Variants in MACROD2 observed in about 807,000 individuals in gnomAD.
MACROD2 encodes the protein mono-ADP ribosylhydrolase 2.
Under a neutral mutation model 70.4 loss-of-function variants are expected in MACROD2, and 36 were observed. That is an observed-to-expected ratio of 0.51 (90% CI 0.39 to 0.68). MACROD2 has a LOEUF of 0.68. Ranked by LOEUF, MACROD2 falls within the 30% of genes least tolerant of loss-of-function variation. The pLI is 0.00. For missense variants in MACROD2, 496 were observed against 538.4 expected, an observed-to-expected ratio of 0.92 and a Z score of 0.78; for synonymous variants, 172 against 178.8, an observed-to-expected ratio of 0.96 and a Z score of 0.30.
chr20:15,923,051 C>A (rs923911622), intron 10 of MACROD2, among the ~76,000 whole-genome samples: 1 of 152,106 alleles, frequency 6.6e-6, no homozygotes, highest in South Asian at 2.1e-4. Context: ...GGACAATGAA[C>A]AATGCAGTAA....
intron 4 of MACROD2, among the ~76,000 whole-genome samples, chr20:14,597,649 T>A (rs1982231312): frequency 6.6e-6 from 1 of 152,150 alleles, no homozygotes. Context: ...GCCTTAGGGA[T>A]AATCACATTT....
At chr20:15,738,873 A>G (rs1358265271) in intron 8 of MACROD2, among the ~76,000 whole-genome samples, 1 of 152,174 alleles carries the variant, frequency 6.6e-6, no homozygotes, top group Admixed American at 6.5e-5. Context: ...CCAGTATTAC[A>G]TGGGAGAGAC....
chr20:15,329,728 G>A (rs796123384), intron 6 of MACROD2, among the ~76,000 whole-genome samples: 3 of 151,994 alleles, frequency 2.0e-5, no homozygotes, highest in African/African-American at 4.8e-5. Context: ...TATGCTAGTG[G>A]TTCTCAAAGG....
intron 15 of MACROD2, among the ~76,000 whole-genome samples, chr20:16,015,747 C>T (rs2066920152): frequency 6.6e-6 from 1 of 151,552 alleles, no homozygotes; most frequent in East Asian, 1.9e-4. Flanking sequence ...GTTATTTTTC[C>T]TATTGTATAG....
At chr20:15,132,299 T>C (rs1295054045) in intron 5 of MACROD2, among the ~76,000 whole-genome samples, 1 of 151,998 alleles carries the variant, frequency 6.6e-6, no homozygotes, top group East Asian at 1.9e-4. Flanking sequence ...ATTCATCATG[T>C]CAGCCATTAA....
At chr20:14,800,969 C>T (rs934584802) in intron 5 of MACROD2, among the ~76,000 whole-genome samples, 1 of 152,100 alleles carries the variant, frequency 6.6e-6, no homozygotes, top group Non-Finnish European at 1.5e-5. Flanking sequence ...CTCCATTTCA[C>T]CCATAATTTA....
At chr20:15,646,574 A>G (rs896820101) in intron 8 of MACROD2, among the ~76,000 whole-genome samples, 3 of 152,180 alleles carry the variant, frequency 2.0e-5, no homozygotes, top group Non-Finnish European at 2.9e-5. Flanking sequence ...CCCAAATCTC[A>G]TCTTGAATTG....
At chr20:15,923,011 T>C (rs1398429395) in intron 10 of MACROD2, among the ~76,000 whole-genome samples, 1 of 152,236 alleles carries the variant, frequency 6.6e-6, no homozygotes, top group East Asian at 1.9e-4. Flanking sequence ...GAGGGATTAT[T>C]CAACTCATGG....
chr20:15,695,210 T>G (rs909111298), intron 8 of MACROD2, among the ~76,000 whole-genome samples: 4 of 152,176 alleles, frequency 2.6e-5, no homozygotes, highest in African/African-American at 9.7e-5. Context: ...GGCTCATTTT[T>G]GGTTCCATAT....
intron 8 of MACROD2, among the ~76,000 whole-genome samples, chr20:15,725,814 A>T (rs1327664017): frequency 6.6e-6 from 1 of 151,928 alleles, no homozygotes; most frequent in African/African-American, 2.4e-5. Context: ...AAAGTCTATA[A>T]TATGAATACT....
At chr20:15,797,296 T>C (rs1395259931) in intron 8 of MACROD2, among the ~76,000 whole-genome samples, 1 of 152,152 alleles carries the variant, frequency 6.6e-6, no homozygotes, top group Non-Finnish European at 1.5e-5. Context: ...TTGTATTTTT[T>C]AGTAGAGACG....
chr20:14,501,041 A>G (rs183146194), intron 4 of MACROD2, among the ~76,000 whole-genome samples: 120 of 152,000 alleles, frequency 7.9e-4, no homozygotes, highest in Middle Eastern at 3.4e-3. Flanking sequence ...TAAATGAAAA[A>G]AAAAAACAAA....
At chr20:15,848,194 ACT>A (rs538491509) in intron 8 of MACROD2, among the ~76,000 whole-genome samples, 2 of 151,584 alleles carry the variant, frequency 1.3e-5, no homozygotes, top group Non-Finnish European at 1.5e-5. Context: ...TGTATCAATC[ACT>A]CTCTCTCTCT....
At chr20:15,665,266 C>T (rs2049881036) in intron 8 of MACROD2, among the ~76,000 whole-genome samples, 4 of 152,114 alleles carry the variant, frequency 2.6e-5, no homozygotes, top group Admixed American at 1.3e-4. Context: ...AATTATTGTG[C>T]CCCCTACTTT....
chr20:14,400,328 T>G lies in MACROD2; in HGVS notation c.272-93151T>G, dbSNP rs56754588. On this transcript the variant is annotated intron_variant, in intron 3 of 17. Coordinates refer to ENST00000684519, the MANE Select transcript of MACROD2 (RefSeq NM_001351661.2). ...ACTGGGTTTAATACCTTTTGAGTACTCTCCCTGATGACCCGTAAATTATGA... is the reference window on the plus strand; with the variant it reads ...ACTGGGTTTAATACCTTTTGAGTACGCTCCCTGATGACCCGTAAATTATGA... Among the ~76,000 whole-genome samples, 1,512 of 152,282 alleles carry G rather than the reference T, an allele frequency of 9.9e-3. 34 individuals are homozygous for G. Among genetic ancestry groups the G allele is most frequent in the African/African-American group, 0.035 (1,449 of 41,564 alleles).
chr20:15,268,390 G>A (rs1212072416), intron 6 of MACROD2, among the ~76,000 whole-genome samples: 2 of 152,170 alleles, frequency 1.3e-5, no homozygotes, highest in Non-Finnish European at 2.9e-5. Context: ...AGTGGCTCAC[G>A]CCTGTAATCC....
At chr20:15,791,023 T>C (rs2063620139) in intron 8 of MACROD2, among the ~76,000 whole-genome samples, 1 of 151,970 alleles carries the variant, frequency 6.6e-6, no homozygotes, top group Non-Finnish European at 1.5e-5. Flanking sequence ...TGTTCTGCCT[T>C]TTTCATTTTT....
chr20:14,165,735 C>G (rs1337081428), intron 3 of MACROD2, among the ~76,000 whole-genome samples: 1 of 152,222 alleles, frequency 6.6e-6, no homozygotes, highest in Non-Finnish European at 1.5e-5. Flanking sequence ...GTGCCTGCCA[C>G]AGAATGGCTA....
intron 3 of MACROD2, among the ~76,000 whole-genome samples, chr20:14,360,250 C>G (rs1427372992): frequency 6.6e-6 from 1 of 152,054 alleles, no homozygotes; most frequent in East Asian, 1.9e-4. Context: ...TTGAAAATCG[C>G]TAGGAGAATA....
Sources: gnomAD v4.1 joint callset for allele counts (sites outside exome capture counted in the v4.1 genomes callset) on GRCh38, gnomAD v4.1.1 for gene constraint, MANE v1.5 for transcripts, NCBI Gene and HGNC (gene_info 2026-07-23, HGNC 2026-07-21) for gene names.